Variants in ULK4 observed in about 807,000 individuals in gnomAD.
The protein encoded by ULK4 is unc-51 like kinase 4.
In ULK4, 133 loss-of-function variants were observed where a neutral mutation model predicts 160.6. That is an observed-to-expected ratio of 0.83 (90% CI 0.72 to 0.96). The LOEUF is 0.96. Among genes scored for constraint, ULK4 ranks in the 40% least tolerant of loss-of-function variants. ULK4 has a pLI of 0.00. For synonymous variants in ULK4, 534 were observed against 539.8 expected (o/e 0.99, Z 0.15); for missense variants, 1,580 against 1,499.5 (o/e 1.05, Z -0.89).
intron 18 of ULK4, among the ~76,000 whole-genome samples, chr3:41,832,096 C>T (rs2041610159): frequency 6.6e-6 from 1 of 152,152 alleles, no homozygotes. Context: ...AATGGTATTT[C>T]TGGTTCTAGA....
intron 35 of ULK4, among the ~76,000 whole-genome samples, chr3:41,371,803 T>C (rs1032032648): frequency 3.3e-5 from 5 of 152,046 alleles, no homozygotes; most frequent in African/African-American, 9.7e-5. Context: ...GTTTGATGAA[T>C]TGACAGAAGT....
intron 17 of ULK4, among the ~76,000 whole-genome samples, chr3:41,872,046 T>G (rs1249191326): frequency 6.6e-6 from 1 of 152,226 alleles, no homozygotes; most frequent in Admixed American, 6.5e-5. Context: ...CTCAATCCTG[T>G]GAAGGCTTCT....
chr3:41,432,137 C>T (rs757607487), intron 34 of ULK4, among the ~76,000 whole-genome samples: 52 of 152,112 alleles, frequency 3.4e-4, no homozygotes, highest in African/African-American at 1.3e-3. Context: ...AACAAGGCAA[C>T]GACGGCTTCT....
intron 35 of ULK4, among the ~76,000 whole-genome samples, chr3:41,329,152 T>C (rs987625388): frequency 6.6e-6 from 1 of 152,222 alleles, no homozygotes; most frequent in African/African-American, 2.4e-5. Flanking sequence ...ATGTAAGCTT[T>C]TGATACTGGC....
Position 41,361,035 on chromosome 3 carries a change from C to T in ULK4, c.3678+37044G>A, listed in dbSNP as rs2081132338. On this transcript the variant is annotated intron_variant, in intron 35 of 36. Coordinates refer to ENST00000301831, the MANE Select transcript of ULK4 (RefSeq NM_017886.4). The stretch of plus-strand genomic sequence containing the variant: ...CCCAGGAAGGGGCGCTTTGATGACG[C>T]AGGAGAGAGAAAGGGGAGATCTGCT... 2.6e-5 allele frequency among the ~76,000 whole-genome samples: 4 copies of T among 152,080 alleles called. No homozygotes were observed. In the South Asian group the frequency reaches 8.3e-4, roughly 32 times the overall value.
chr3:41,566,211 C>A (rs898317586), intron 31 of ULK4, 81 bp from the exon 32 acceptor site: 5 of 1,081,130 alleles, frequency 4.6e-6, no homozygotes, highest in Non-Finnish European at 7.0e-6. Flanking sequence ...AAATGATGTC[C>A]ACTGCTTCAT....
At chr3:41,251,143 T>G (rs776864223) in intron 35 of ULK4, 1 of 152,174 alleles carries the variant, frequency 6.6e-6, no homozygotes. Flanking sequence ...AAGGTGCAAA[T>G]AGAAATCTAC....
At chr3:41,685,161 T>C (rs910199363) in intron 27 of ULK4, among the ~76,000 whole-genome samples, 1 of 152,226 alleles carries the variant, frequency 6.6e-6, no homozygotes, top group Non-Finnish European at 1.5e-5. Context: ...AATTTTCCTT[T>C]CTCTGATCTA....
chr3:41,931,462 C>T (rs573448889), intron 5 of ULK4, among the ~76,000 whole-genome samples: 2 of 110,322 alleles, frequency 1.8e-5, no homozygotes, highest in African/African-American at 3.3e-5. Flanking sequence ...CACATGTACC[C>T]TAGAACTTAA....
intron 35 of ULK4, among the ~76,000 whole-genome samples, chr3:41,356,146 T>C (rs2081025143): frequency 6.6e-6 from 1 of 152,140 alleles, no homozygotes; most frequent in Non-Finnish European, 1.5e-5. Context: ...AGAGAAGCCC[T>C]GTCCCCTGTG....
In ULK4 at chr3:41,374,974, G is replaced by A. The variant is rs148216810; in HGVS notation, c.3678+23105C>T. Among the ~76,000 whole-genome samples, 441 of 151,796 alleles carry A rather than the reference G, an allele frequency of 2.9e-3. 1 individual carries two copies. The highest frequency in any genetic ancestry group is 0.015 in the East Asian group (75 of 5,060). ...CAAAATCAATGTGCAAAAATCAGAA[G>A]CATTCTTATACACCAGTAACAGACA... On this transcript the variant is annotated intron_variant, in intron 35 of 36. Transcript: ENST00000301831.
intron 32 of ULK4, among the ~76,000 whole-genome samples, chr3:41,520,060 T>C (rs1428351776): frequency 3.3e-5 from 5 of 152,180 alleles, no homozygotes; most frequent in African/African-American, 1.2e-4. Context: ...AAAATACACA[T>C]ACCATAAAAA....
In ULK4 at chr3:41,856,566, T is replaced by TAC. The variant is rs1559611130; in HGVS notation, c.1657-20596_1657-20595insGT. Among the ~76,000 whole-genome samples the TAC allele has an allele frequency of 2.0e-3, 228 of 111,912 alleles. 3 individuals carry two copies. Among genetic ancestry groups the TAC allele is most frequent in the African/African-American group, 8.7e-3 (219 of 25,308 alleles). The allele number at this position is 111,912 out of a possible 152,430, so 73.4% of individuals were successfully genotyped here. A position where few individuals can be genotyped will look rare whatever the true frequency, so the allele number is the denominator to read the frequency against. ...ATATATATGTGTATATATATACACATATATATATGTGTATATATATACACA... is the reference window on the plus strand; with the variant it reads ...ATATATATGTGTATATATATACACATACATATATATGTGTATATATATACACA... On this transcript the variant is annotated intron_variant, in intron 17 of 36. Coordinates refer to ENST00000301831, the MANE Select transcript of ULK4 (RefSeq NM_017886.4).
rs370540130 is a variant in ULK4, at chr3:41,403,382, A to G, written c.3493-5118T>C. Among the ~76,000 whole-genome samples the G allele has an allele frequency of 2.6e-5, 4 of 152,324 alleles. No homozygotes were observed. The East Asian group carries it at 5.8e-4, about 22-fold the overall frequency. On this transcript the variant is annotated intron_variant, in intron 34 of 36. Coordinates refer to ENST00000301831, the MANE Select transcript of ULK4 (RefSeq NM_017886.4). ...TCCAAGTTACAGAATTTATGAACAT[A>G]AAATTGTTCACAGCATTCCCTTATT...
chr3:41,783,064 A>G (rs6803652), intron 21 of ULK4, among the ~76,000 whole-genome samples: 47,314 of 150,898 alleles, frequency 0.31, 10,929 homozygotes, highest in African/African-American at 0.66. Context: ...ATGACAGCAG[A>G]GAAGAGGGAA....
intron 31 of ULK4, among the ~76,000 whole-genome samples, chr3:41,575,491 T>A (rs890303772): frequency 6.6e-6 from 1 of 151,988 alleles, no homozygotes; most frequent in Admixed American, 6.6e-5. Flanking sequence ...ACCCCAGGAG[T>A]CTGGAGGTAT....
At chr3:41,398,354 T>G (rs1320370829) in intron 34 of ULK4, 90 bp from the exon 35 acceptor site, 4 of 1,316,536 alleles carry the variant, frequency 3.0e-6, no homozygotes, top group Non-Finnish European at 4.2e-6. Context: ...TTGATGGGGG[T>G]GTCAGCCTGA....
intron 18 of ULK4, among the ~76,000 whole-genome samples, chr3:41,830,319 A>G (rs182519194): frequency 2.8e-4 from 43 of 152,226 alleles, no homozygotes; most frequent in African/African-American, 1.0e-3. Context: ...TATACCAAGG[A>G]AAATTACTCT....
At chr3:41,555,047 T>C (rs961328134) in intron 32 of ULK4, among the ~76,000 whole-genome samples, 1 of 152,056 alleles carries the variant, frequency 6.6e-6, no homozygotes, top group Non-Finnish European at 1.5e-5. Context: ...GCATCAGAGT[T>C]AAGCATCATA....
Sources: allele counts gnomAD v4.1 joint callset (sites outside exome capture counted in the v4.1 genomes callset), GRCh38; gene constraint gnomAD v4.1.1; transcripts MANE v1.5; gene names NCBI Gene and HGNC (gene_info 2026-07-23, HGNC 2026-07-21).